The following SERPINB8 variants were observed in gnomAD, a reference collection of about 807,000 sequenced individuals.
The protein encoded by SERPINB8 is serpin B8.
SERPINB8 carries 25 observed loss-of-function variants against 35.3 expected under a neutral mutation model. That is an observed-to-expected ratio of 0.71 (90% CI 0.52 to 0.99). The LOEUF (loss-of-function observed/expected upper bound fraction) is 0.99. SERPINB8 is among the 50% of genes least tolerant of loss of function. SERPINB8 has a pLI of 0.00. For missense variants in SERPINB8, 484 were observed against 446.5 expected, an observed-to-expected ratio of 1.08 and a Z score of -0.76; for synonymous variants, 186 against 160.8, an observed-to-expected ratio of 1.16 and a Z score of -1.19.
At chr18:63,972,559 A>G (rs561392980) in intron 1 of SERPINB8, among the ~76,000 whole-genome samples, 2 of 152,270 alleles carry the variant, frequency 1.3e-5, no homozygotes, top group Non-Finnish European at 2.9e-5. Context: ...ACATAGGTAT[A>G]CATGAGCCAT....
At chr18:64,009,894 T>C (rs952945229), downstream of SERPINB8, among the ~76,000 whole-genome samples, 3 of 152,160 alleles carry the variant, frequency 2.0e-5, no homozygotes, top group Non-Finnish European at 2.9e-5. Context: ...TTTTGTCATA[T>C]ATTTGTGACA....
intron 1 of SERPINB8, among the ~76,000 whole-genome samples, chr18:63,975,702 T>C (rs1188873022): frequency 6.6e-6 from 1 of 152,202 alleles, no homozygotes; most frequent in African/African-American, 2.4e-5. Flanking sequence ...CCTTTACACT[T>C]TAAAAAAATA....
chr18:64,012,968 C>T lies in SERPINB8; in HGVS notation c.*3-5942C>T, dbSNP rs73961881. 3.9e-3 allele frequency among the ~76,000 whole-genome samples: 599 copies of T among 152,270 alleles called. 4 individuals are homozygous for T. Among genetic ancestry groups the T allele is most frequent in the African/African-American group, 0.014 (580 of 41,536 alleles). On this transcript the variant is annotated intron_variant, in intron 7 of 7. Transcript: ENST00000636430. ...AGCTACTTCCACTCCCCTTCCTCTG[C>T]CTTCACTCCCTTGAATTTCAGAATT...
chr18:63,986,214 G>A, intron 6 of SERPINB8: 2 of 1,586,954 alleles, frequency 1.3e-6, no homozygotes, highest in Non-Finnish European at 1.7e-6. Flanking sequence ...GATGCTAGTG[G>A]AAGGCCTTTC....
At chr18:63,998,055 C>T (rs2050858289) in intron 1 of SERPINB8, among the ~76,000 whole-genome samples, 1 of 152,182 alleles carries the variant, frequency 6.6e-6, no homozygotes, top group South Asian at 2.1e-4. Flanking sequence ...TCAAAAGATG[C>T]CAACACAGCA....
intron 1 of SERPINB8, among the ~76,000 whole-genome samples, chr18:64,002,301 T>A (rs777218740): frequency 1.5e-4 from 23 of 152,166 alleles, no homozygotes; most frequent in Admixed American, 7.9e-4. Context: ...GGAATGCTAC[T>A]AATTACTTGT....
chr18:63,987,219 T>C lies in SERPINB8; in HGVS notation c.1066T>C (p.Phe356Leu). 1 of 1,614,146 alleles carries C rather than the reference T, an allele frequency of 6.2e-7. No homozygotes were observed. The highest frequency in any genetic ancestry group is 1.1e-5 in the South Asian group (1 of 91,072). Residue 356 changes from phenylalanine to leucine, a missense_variant, in exon 7 of 7, where the codon TTC becomes CTC. By Grantham distance (22) the Phe-to-Leu change is conservative (BLOSUM62 0). Transcript: ENST00000397985. ...CTGTGCAGACCACCCTTTTCTTTTCTTCATCAGGCACCACAAAACCAACTG... is the reference window on the plus strand; with the variant it reads ...CTGTGCAGACCACCCTTTTCTTTTCCTCATCAGGCACCACAAAACCAACTG... ...RFCADHPFLF[F>L]IRHHKTNCIL...
intron 1 of SERPINB8, chr18:63,970,602 C>T (rs1014077532): frequency 2.6e-5 from 4 of 152,480 alleles, no homozygotes; most frequent in Admixed American, 1.3e-4. Context: ...GGCGGGAGCC[C>T]CGGGAGGGCG....
intron 7 of SERPINB8, among the ~76,000 whole-genome samples, chr18:64,013,471 T>C (rs966605136): frequency 2.6e-5 from 4 of 152,216 alleles, no homozygotes; most frequent in Non-Finnish European, 5.9e-5. Context: ...CAATAGGATA[T>C]TTAGAGGTAA....
intron 1 of SERPINB8, 26 bp from the exon 2 acceptor site, chr18:63,978,273 T>A: frequency 6.2e-7 from 1 of 1,613,586 alleles, no homozygotes; most frequent in Non-Finnish European, 8.5e-7. Flanking sequence ...GCTTATGTGC[T>A]TTTCCCTGCT....
In SERPINB8 at chr18:64,011,640, C is replaced by T. The variant is rs542720293; in HGVS notation, c.*2+6760C>T. ...TTGGTGCTGTATTTGTTGAGTAGAG[C>T]TGCCATTAATTTTGAAACAATGTAT... On this transcript the variant is annotated intron_variant, in intron 7 of 7. Coordinates refer to the SERPINB8 transcript ENST00000636430. Among the ~76,000 whole-genome samples, 3 of 152,148 alleles carry T rather than the reference C, an allele frequency of 2.0e-5. No homozygotes were observed. The South Asian group carries it at 6.2e-4, about 32-fold the overall frequency.
At chr18:63,980,542 A>G (rs532491323) in intron 3 of SERPINB8, among the ~76,000 whole-genome samples, 59 of 152,198 alleles carry the variant, frequency 3.9e-4, no homozygotes, top group African/African-American at 1.4e-3. Flanking sequence ...TGGCCATCCT[A>G]TTGGCTGGAG....
At chr18:63,976,724 T>C (rs2050587663) in intron 1 of SERPINB8, among the ~76,000 whole-genome samples, 1 of 152,216 alleles carries the variant, frequency 6.6e-6, no homozygotes, top group South Asian at 2.1e-4. Context: ...AGGGGAATGT[T>C]AAGACCCTCT....
chr18:63,995,705 GA>G (rs2050845937), intron 1 of SERPINB8, among the ~76,000 whole-genome samples: 1 of 152,040 alleles, frequency 6.6e-6, no homozygotes, highest in African/African-American at 2.4e-5. Flanking sequence ...CTTTAGAGAG[GA>G]AAAAAATAAC....
rs1003122904 is a variant in SERPINB8, at chr18:63,987,608, C to A, written c.*330C>A. 3.3e-5 allele frequency: 6 copies of A among 183,462 alleles called. No individual in the cohort carries two copies. The highest frequency in any genetic ancestry group is 6.2e-5 in the Non-Finnish European group (6 of 97,260). 11.4% of individuals were successfully genotyped at this position (183,462 alleles called of 1,614,324 possible). On this transcript the variant is annotated 3_prime_UTR_variant, in exon 7 of 7. Coordinates refer to ENST00000397985, the MANE Select transcript of SERPINB8 (RefSeq NM_002640.4). ...TCAGGAGCCAGCCCTCTTCCATCCG[C>A]CCGGCTCTGCCCACCACCACTGCCA...
At chr18:64,016,676 A>G (rs2050952006) in intron 7 of SERPINB8, among the ~76,000 whole-genome samples, 2 of 152,202 alleles carry the variant, frequency 1.3e-5, no homozygotes, top group African/African-American at 4.8e-5. Context: ...CACTAAGCAC[A>G]GGTCCTTAAA....
intron 1 of SERPINB8, 119 bp from the exon 2 acceptor site, chr18:63,978,180 T>C (rs1361530605): frequency 4.0e-6 from 4 of 998,952 alleles, no homozygotes; most frequent in Middle Eastern, 3.0e-4. Context: ...GGAGTGGAAG[T>C]CTTTGGAGGG....
At chr18:63,993,586 C>T (rs1276185220), downstream of SERPINB8, among the ~76,000 whole-genome samples, 5 of 152,248 alleles carry the variant, frequency 3.3e-5, no homozygotes, top group Middle Eastern at 3.4e-3. Context: ...TAGTGTTGTT[C>T]AGGTCTTCTA....
At chr18:63,979,613 G>C (rs1331847925) in intron 2 of SERPINB8, among the ~76,000 whole-genome samples, 188 bp from the exon 3 acceptor site, 1 of 152,186 alleles carries the variant, frequency 6.6e-6, no homozygotes, top group Non-Finnish European at 1.5e-5. Context: ...ATGAGACAAG[G>C]AAGTGTCCTG....
Sources: allele counts gnomAD v4.1 joint callset (sites outside exome capture counted in the v4.1 genomes callset), GRCh38; gene constraint gnomAD v4.1.1; transcripts MANE v1.5; gene names NCBI Gene and HGNC (gene_info 2026-07-23, HGNC 2026-07-21).